Variants in SUPT3H observed in about 807,000 individuals in gnomAD.
The protein encoded by SUPT3H is transcription initiation protein SPT3 homolog.
Under a neutral mutation model 44.3 loss-of-function variants are expected in SUPT3H, and 44 were observed. The ratio of observed to expected loss-of-function variants is 0.99; its 90% CI spans 0.78 to 1.28. The LOEUF (loss-of-function observed/expected upper bound fraction) is 1.28, where lower values mean the gene tolerates loss of function less well. SUPT3H is among the 50% of genes most tolerant of loss of function. The probability of loss-of-function intolerance (pLI) is 0.00; values close to 1 mark genes in which losing one functional copy is unlikely to be tolerated. For missense variants in SUPT3H, 380 were observed against 387.1 expected (o/e 0.98, Z 0.15); for synonymous variants, 124 against 125.6 (o/e 0.99, Z 0.09).
At chr6:44,851,809 T>A (rs183516112) in intron 10 of SUPT3H, among the ~76,000 whole-genome samples, 2 of 152,322 alleles carry the variant, frequency 1.3e-5, no homozygotes, top group East Asian at 3.9e-4. Context: ...TGGAGTGATT[T>A]CTATAAAAAG....
At chr6:44,953,256 C>A in intron 9 of SUPT3H, 54 bp downstream of exon 9, 1 of 1,331,642 alleles carries the variant, frequency 7.5e-7, no homozygotes, top group Non-Finnish European at 1.1e-6. Context: ...ATGTAAATAC[C>A]AGATATGTGT....
Position 45,326,952 on chromosome 6 carries a change from C to CA in SUPT3H, c.101+38248dup, listed in dbSNP as rs961400819. Among the ~76,000 whole-genome samples, 9 of 151,764 alleles carry CA rather than the reference C, an allele frequency of 5.9e-5. No homozygotes were observed. The South Asian group carries it at 1.2e-3, about 21-fold the overall frequency. Reference sequence around the variant, plus strand: ...GATTTAGAGTGGCATGGATAAATGGCAAAAAAATGCCTAGAAAATTGGTCT... The same window carrying CA: ...GATTTAGAGTGGCATGGATAAATGGCAAAAAAAATGCCTAGAAAATTGGTCT... On this transcript the variant is annotated intron_variant, in intron 2 of 10. Coordinates refer to ENST00000371459, the MANE Select transcript of SUPT3H (RefSeq NM_003599.4).
intron 3 of SUPT3H, among the ~76,000 whole-genome samples, chr6:45,029,178 G>T (rs1406603357): frequency 6.6e-6 from 1 of 151,602 alleles, no homozygotes; most frequent in African/African-American, 2.4e-5. Context: ...TAAAAGATGT[G>T]CCTAACTTTT....
intron 6 of SUPT3H, among the ~76,000 whole-genome samples, chr6:44,985,041 T>A (rs920047287): frequency 6.6e-6 from 1 of 151,756 alleles, no homozygotes; most frequent in Non-Finnish European, 1.5e-5. Flanking sequence ...AAAGTCACAT[T>A]CAAAACTAAA....
At chr6:44,942,018 G>A (rs1160493057) in intron 9 of SUPT3H, among the ~76,000 whole-genome samples, 1 of 152,080 alleles carries the variant, frequency 6.6e-6, no homozygotes, top group East Asian at 1.9e-4. Context: ...CTTTCCTCAG[G>A]AAAACTTTGT....
chr6:44,973,967 T>A (rs544016045), intron 6 of SUPT3H, among the ~76,000 whole-genome samples: 112 of 152,242 alleles, frequency 7.4e-4, no homozygotes, highest in Non-Finnish European at 1.3e-3. Context: ...GGAACTACAA[T>A]TCCAGATGAG....
chr6:45,154,811 T>TAA (rs1807550955), intron 2 of SUPT3H, among the ~76,000 whole-genome samples: 1 of 152,200 alleles, frequency 6.6e-6, no homozygotes, highest in Non-Finnish European at 1.5e-5. Context: ...TCCCCTGTGT[T>TAA]ATACCTGTTA....
intron 3 of SUPT3H, among the ~76,000 whole-genome samples, chr6:45,068,454 A>G (rs1793798310): frequency 6.6e-6 from 1 of 151,548 alleles, no homozygotes; most frequent in African/African-American, 2.4e-5. Context: ...CCTAAAACTT[A>G]AAGTATAATA....
intron 2 of SUPT3H, among the ~76,000 whole-genome samples, chr6:45,145,458 A>T (rs539086179): frequency 6.6e-6 from 1 of 152,178 alleles, no homozygotes; most frequent in African/African-American, 2.4e-5. Context: ...GATAACTGGC[A>T]AGCTACATGT....
At chr6:45,208,031 C>T (rs1296170095) in intron 2 of SUPT3H, among the ~76,000 whole-genome samples, 1 of 152,098 alleles carries the variant, frequency 6.6e-6, no homozygotes, top group East Asian at 1.9e-4. Context: ...CCTCTTGTGC[C>T]AAACAGTTAA....
chr6:44,841,684 A>G (rs1052160479), intron 10 of SUPT3H, among the ~76,000 whole-genome samples: 5 of 152,250 alleles, frequency 3.3e-5, no homozygotes, highest in African/African-American at 9.6e-5. Context: ...AAAATCAGTT[A>G]TTCTCCCTAC....
intron 2 of SUPT3H, among the ~76,000 whole-genome samples, chr6:45,332,919 T>C (rs1356467096): frequency 6.6e-6 from 1 of 151,720 alleles, no homozygotes; most frequent in Non-Finnish European, 1.5e-5. Context: ...TTTTTTCTCC[T>C]ATACCAATGA....
intron 2 of SUPT3H, among the ~76,000 whole-genome samples, chr6:45,170,213 T>C (rs1202949371): frequency 6.6e-6 from 1 of 152,240 alleles, no homozygotes; most frequent in African/African-American, 2.4e-5. Flanking sequence ...TTATCGTTCC[T>C]AGGGCTGACA....
chr6:44,914,592 C>T (rs1051971479), intron 10 of SUPT3H, among the ~76,000 whole-genome samples: 1 of 152,076 alleles, frequency 6.6e-6, no homozygotes, highest in African/African-American at 2.4e-5. Context: ...CTGCAGTTAC[C>T]CATATGCAAA....
chr6:45,205,537 C>T (rs1763092661), intron 2 of SUPT3H, among the ~76,000 whole-genome samples: 1 of 152,112 alleles, frequency 6.6e-6, no homozygotes, highest in South Asian at 2.1e-4. Flanking sequence ...GTGGCTCATG[C>T]TGTAATCTCA....
chr6:45,253,643 A>G (rs1375221306), intron 2 of SUPT3H, among the ~76,000 whole-genome samples: 1 of 151,692 alleles, frequency 6.6e-6, no homozygotes, highest in Non-Finnish European at 1.5e-5. Flanking sequence ...AACTTAAAAA[A>G]TCAACTAAGC....
chr6:45,043,193 C>G (rs1788860111), intron 3 of SUPT3H, among the ~76,000 whole-genome samples: 1 of 141,608 alleles, frequency 7.1e-6, no homozygotes, highest in African/African-American at 2.7e-5. Context: ...ACACCAAAAC[C>G]AAGGCAAATT....
intron 10 of SUPT3H, among the ~76,000 whole-genome samples, chr6:44,903,197 A>G (rs1765395815): frequency 6.6e-6 from 1 of 152,208 alleles, no homozygotes; most frequent in African/African-American, 2.4e-5. Flanking sequence ...GGACTGAAGG[A>G]GATAGAGACA....
intron 6 of SUPT3H, 130 bp downstream of exon 6, chr6:45,003,523 C>T: frequency 9.5e-7 from 1 of 1,054,308 alleles, no homozygotes; most frequent in Admixed American, 2.8e-5. Flanking sequence ...CTGCACATCG[C>T]TGCCATCAGA....
Sources: gnomAD v4.1 joint callset for allele counts (sites outside exome capture counted in the v4.1 genomes callset) on GRCh38, gnomAD v4.1.1 for gene constraint, MANE v1.5 for transcripts, NCBI Gene and HGNC (gene_info 2026-07-23, HGNC 2026-07-21) for gene names.